DOCK8: variants seen among roughly 807,000 people sequenced by gnomAD.
The protein encoded by DOCK8 is dedicator of cytokinesis protein 8.
Under a neutral mutation model 245.6 loss-of-function variants are expected in DOCK8, and 141 were observed. The observed-to-expected ratio is 0.57, with a 90% CI of 0.50 to 0.66. The LOEUF (loss-of-function observed/expected upper bound fraction) is 0.66. Among genes scored for constraint, DOCK8 ranks in the 30% least tolerant of loss-of-function variants. The pLI is 0.00. For synonymous variants in DOCK8, 1,168 were observed against 970.2 expected, an observed-to-expected ratio of 1.20 and a Z score of -3.79; for missense variants, 2,965 against 2,603.4, an observed-to-expected ratio of 1.14 and a Z score of -3.02.
chr9:427,040 G>A lies in DOCK8; in HGVS notation c.4338+59G>A, dbSNP rs374490400. On this transcript the variant is annotated intron_variant, in intron 34 of 47. Transcript: ENST00000432829. ...GCCATGAATATGTTTACTAGAATAAGGACTTCTTTATGCAAAATTGTGAAA... is the reference window on the plus strand; with the variant it reads ...GCCATGAATATGTTTACTAGAATAAAGACTTCTTTATGCAAAATTGTGAAA... The A allele has an allele frequency of 2.6e-5, 38 of 1,450,170 alleles. No homozygotes were observed. In the African/African-American group the frequency reaches 3.1e-4, roughly 12 times the overall value. The allele number at this position is 1,450,170 out of a possible 1,614,324, so 89.8% of individuals were successfully genotyped here.
chr9:249,692 A>C (rs548151442), intron 1 of DOCK8, among the ~76,000 whole-genome samples: 1 of 151,994 alleles, frequency 6.6e-6, no homozygotes, highest in South Asian at 2.1e-4. Context: ...ATCTTGGCTC[A>C]CTGCAACCTC....
chr9:281,101 A>G (rs2048563338), intron 2 of DOCK8, among the ~76,000 whole-genome samples: 1 of 152,174 alleles, frequency 6.6e-6, no homozygotes, highest in Non-Finnish European at 1.5e-5. Context: ...TAAAATGACA[A>G]CAATTAGCCA....
chr9:315,293 C>T (rs1280587948), intron 6 of DOCK8, among the ~76,000 whole-genome samples: 1 of 152,160 alleles, frequency 6.6e-6, no homozygotes, highest in East Asian at 1.9e-4. Context: ...CAAGAGGTAT[C>T]CATTAATGTT....
chr9:340,324 A>C lies in DOCK8; in HGVS notation c.1679+3A>C. 1.2e-6 allele frequency: 2 copies of C among 1,614,068 alleles called. No homozygotes were observed. Among genetic ancestry groups the C allele is most frequent in the African/African-American group, 1.3e-5 (1 of 75,042 alleles). On this transcript the variant is annotated splice_donor_region_variant and intron_variant, in intron 14 of 47. Transcript: ENST00000432829. ...TATGTCCCTCACACTGTGTACAGGTAAGAAACACAGGCTCGGGCTGGGCGT... is the reference window on the plus strand; with the variant it reads ...TATGTCCCTCACACTGTGTACAGGTCAGAAACACAGGCTCGGGCTGGGCGT...
chr9:431,865 T>C (rs188390076), intron 36 of DOCK8, among the ~76,000 whole-genome samples: 3 of 152,258 alleles, frequency 2.0e-5, no homozygotes, highest in African/African-American at 7.2e-5. Flanking sequence ...TATACTGTAT[T>C]CTTGGACCCA....
chr9:312,049 G>A lies in DOCK8; in HGVS notation c.624G>A (p.Lys208=). Residue 208 remains lysine, a synonymous_variant, in exon 6 of 48, where the codon AAG becomes AAA. Coordinates refer to ENST00000432829, the MANE Select transcript of DOCK8 (RefSeq NM_203447.4). ...DFDLRSLQPD[K]RLENLLQQVS... ...ACCTCCGCAGCCTGCAGCCTGACAA[G>A]CGGCTAGAAAACCTCCTGCAGCAAG... 6.2e-7 allele frequency: 1 copy of A among 1,614,222 alleles called. No homozygotes were observed.
chr9:334,482 G>C, intron 11 of DOCK8, 98 bp downstream of exon 11: 1 of 1,333,916 alleles, frequency 7.5e-7, no homozygotes. Flanking sequence ...AGTGAGGTGT[G>C]GGAAGTGGGG....
chr9:233,683 G>A (rs956955561), intron 1 of DOCK8, among the ~76,000 whole-genome samples: 7 of 152,094 alleles, frequency 4.6e-5, no homozygotes, highest in African/African-American at 1.7e-4. Context: ...ATCTTTGTTG[G>A]TTGAAAGTCT....
At chr9:252,032 G>A (rs2047662514) in intron 1 of DOCK8, among the ~76,000 whole-genome samples, 1 of 149,332 alleles carries the variant, frequency 6.7e-6, no homozygotes, top group South Asian at 2.1e-4. Context: ...GGAGTGCAGT[G>A]GTGAGATCTC....
At chr9:307,255 G>T (rs2049876916) in intron 5 of DOCK8, among the ~76,000 whole-genome samples, 2 of 149,684 alleles carry the variant, frequency 1.3e-5, no homozygotes, top group African/African-American at 4.9e-5. Flanking sequence ...AATAGGTGAA[G>T]ACCAGCGTAC....
At chr9:333,235 C>T (rs2051110888) in intron 10 of DOCK8, among the ~76,000 whole-genome samples, 1 of 152,246 alleles carries the variant, frequency 6.6e-6, no homozygotes, top group Non-Finnish European at 1.5e-5. Context: ...ATTAGCACAG[C>T]ATAGGTGTTG....
In DOCK8 at chr9:304,641, C is replaced by G. The variant is rs757827442; in HGVS notation, c.465C>G (p.His155Gln). ...AGACTGGATCTCGAAAAGATTTTCA[C>G]AAGACGCTTCCGAAACAGACGTTTG... ...FKKTGSRKDF[H>Q]KTLPKQTFES... The change falls in exon 5 of 48, where the codon CAC (histidine) becomes CAG (glutamine). Residue 155 changes from histidine to glutamine, a missense_variant. Physicochemically the swap from His to Gln is conservative, Grantham distance 24. Coordinates refer to ENST00000432829, the MANE Select transcript of DOCK8 (RefSeq NM_203447.4). 4.3e-6 allele frequency: 7 copies of G among 1,614,218 alleles called. No individual in the cohort carries two copies. Among genetic ancestry groups the G allele is most frequent in the Non-Finnish European group, 5.9e-6 (7 of 1,180,028 alleles).
chr9:337,274 A>G (rs754273714), intron 12 of DOCK8, among the ~76,000 whole-genome samples: 1 of 152,186 alleles, frequency 6.6e-6, no homozygotes, highest in Non-Finnish European at 1.5e-5. Flanking sequence ...AACGGGAACA[A>G]TAGTACTTAA....
chr9:242,387 TAGGAG>T (rs1489466721), intron 1 of DOCK8, among the ~76,000 whole-genome samples: 3 of 152,158 alleles, frequency 2.0e-5, no homozygotes, highest in African/African-American at 7.2e-5. Flanking sequence ...TCCTCATTGA[TAGGAG>T]AGGACAAATG....
At chr9:288,293 C>G (rs1446921289) in intron 3 of DOCK8, among the ~76,000 whole-genome samples, 1 of 152,122 alleles carries the variant, frequency 6.6e-6, no homozygotes, top group African/African-American at 2.4e-5. Context: ...CAACCTGTGC[C>G]TAGCCCAGAA....
At chr9:342,341 G>C (rs2130940530) in intron 14 of DOCK8, among the ~76,000 whole-genome samples, 1 of 143,908 alleles carries the variant, frequency 6.9e-6, no homozygotes, top group Non-Finnish European at 1.5e-5. Flanking sequence ...GGAGTCGTGA[G>C]TCATTTTTCT....
chr9:235,076 G>A (rs2047213745), intron 1 of DOCK8, among the ~76,000 whole-genome samples: 1 of 152,050 alleles, frequency 6.6e-6, no homozygotes, highest in Non-Finnish European at 1.5e-5. Context: ...TGGGTTTTTG[G>A]TGTGGATGTC....
chr9:398,094 T>C (rs565858059), intron 25 of DOCK8, among the ~76,000 whole-genome samples: 4 of 152,210 alleles, frequency 2.6e-5, no homozygotes, highest in Non-Finnish European at 5.9e-5. Context: ...TTATTCCTCA[T>C]GGCAAACTTT....
intron 29 of DOCK8, among the ~76,000 whole-genome samples, chr9:415,587 A>G (rs2131606367): frequency 6.6e-6 from 1 of 152,314 alleles, no homozygotes; most frequent in Non-Finnish European, 1.5e-5. Context: ...GTAGAGGGAA[A>G]AAAATCCTCC....
Sources: allele counts gnomAD v4.1 joint callset (sites outside exome capture counted in the v4.1 genomes callset), GRCh38; gene constraint gnomAD v4.1.1; transcripts MANE v1.5; gene names NCBI Gene and HGNC (gene_info 2026-07-23, HGNC 2026-07-21).